AFG2A: variants seen among roughly 807,000 people sequenced by gnomAD.
AFG2A encodes AAA ATPase AFG2A, also known as ATPase family gene 2 protein homolog A.
the AFG2A span, among the ~76,000 whole-genome samples, chr4:123,198,435 T>C: frequency 1.3e-5 from 2 of 152,162 alleles, no homozygotes; most frequent in African/African-American, 2.4e-5. Context: ...CTAAAGTGTT[T>C]TTGTCTCCCC....
the AFG2A span, among the ~76,000 whole-genome samples, chr4:123,025,212 T>C: frequency 1.3e-5 from 2 of 152,308 alleles, no homozygotes; most frequent in South Asian, 4.1e-4. Flanking sequence ...TCTTTGGAAC[T>C]AACATCCAGT....
chr4:123,054,585 G>A, the AFG2A span, among the ~76,000 whole-genome samples: 9 of 151,998 alleles, frequency 5.9e-5, no homozygotes, highest in Admixed American at 3.9e-4. Context: ...GGGTGTGGTG[G>A]CGGGCACCTG....
chr4:123,090,615 G>A, the AFG2A span: 1 of 1,614,130 alleles, frequency 6.2e-7, no homozygotes, highest in Non-Finnish European at 8.5e-7. Flanking sequence ...ATCGTGTTTT[G>A]GCTCAGCTCT....
chr4:123,239,321 A>G, the AFG2A span, among the ~76,000 whole-genome samples: 38 of 152,266 alleles, frequency 2.5e-4, no homozygotes, highest in East Asian at 6.0e-3. Context: ...AAATTCAGGA[A>G]ATACAGAGAA....
chr4:123,249,434 A>G, the AFG2A span, among the ~76,000 whole-genome samples: 1 of 152,124 alleles, frequency 6.6e-6, no homozygotes, highest in African/African-American at 2.4e-5. Context: ...GAAATGCTAT[A>G]CTTGAACTTG....
At chr4:123,124,783 T>C in the AFG2A span, among the ~76,000 whole-genome samples, 3 of 152,236 alleles carry the variant, frequency 2.0e-5, no homozygotes, top group African/African-American at 7.2e-5. Context: ...ACAAAATAGT[T>C]AACTTGGGTC....
the AFG2A span, among the ~76,000 whole-genome samples, chr4:123,266,223 C>G: frequency 5.3e-5 from 8 of 151,932 alleles, no homozygotes; most frequent in African/African-American, 9.7e-5. Flanking sequence ...GTTAAGTACC[C>G]TGGGTTATGG....
At chr4:123,224,759 A>G in the AFG2A span, among the ~76,000 whole-genome samples, 3 of 152,128 alleles carry the variant, frequency 2.0e-5, no homozygotes, top group African/African-American at 7.2e-5. Flanking sequence ...TGGTATTTCT[A>G]GTTCTAGATC....
At chr4:123,198,203 A>C in the AFG2A span, among the ~76,000 whole-genome samples, 4 of 151,468 alleles carry the variant, frequency 2.6e-5, no homozygotes, top group Non-Finnish European at 5.9e-5. Context: ...CGGGAGGTGC[A>C]GGTTGCAGTG....
chr4:123,280,162 T>C, the AFG2A span, among the ~76,000 whole-genome samples: 4 of 152,252 alleles, frequency 2.6e-5, no homozygotes, highest in East Asian at 7.7e-4. Context: ...CTGTATTACA[T>C]TGAGTAATTT....
chr4:123,028,370 G>A, the AFG2A span: 1 of 1,614,144 alleles, frequency 6.2e-7, no homozygotes, highest in South Asian at 1.1e-5. Context: ...GCCAATGAGA[G>A]TGGACTGAAT....
At chr4:123,205,384 G>GC in the AFG2A span, among the ~76,000 whole-genome samples, 3,219 of 151,910 alleles carry the variant, frequency 0.021, 63 homozygotes, top group Non-Finnish European at 0.035. Context: ...AATACAGTCA[G>GC]CCCCCCAAAT....
chr4:122,934,868 T>C, the AFG2A span: 100 of 1,197,808 alleles, frequency 8.3e-5, no homozygotes, highest in East Asian at 1.8e-3. Flanking sequence ...GGTAGAAGAT[T>C]TCAGTTGCTT....
At chr4:122,936,972 C>T in the AFG2A span, among the ~76,000 whole-genome samples, 1 of 152,144 alleles carries the variant, frequency 6.6e-6, no homozygotes, top group East Asian at 1.9e-4. Flanking sequence ...AAGAGCGAGA[C>T]TTTGACTCGA....
chr4:123,140,325 G>T, the AFG2A span, among the ~76,000 whole-genome samples: 3 of 151,986 alleles, frequency 2.0e-5, no homozygotes, highest in Middle Eastern at 6.3e-3. Context: ...TAGCTTAATG[G>T]ATTTGGTGCT....
chr4:122,983,782 C>T, the AFG2A span, among the ~76,000 whole-genome samples: 1 of 152,208 alleles, frequency 6.6e-6, no homozygotes, highest in Admixed American at 6.5e-5. Context: ...ATTTGAGAGC[C>T]CCATAGATGG....
chr4:123,168,556 C>T, the AFG2A span, among the ~76,000 whole-genome samples: 1 of 151,796 alleles, frequency 6.6e-6, no homozygotes, highest in East Asian at 1.9e-4. Context: ...TCCTCATTTC[C>T]CCCTTTTTTC....
chr4:123,117,101 A>G, the AFG2A span, among the ~76,000 whole-genome samples: 1 of 152,186 alleles, frequency 6.6e-6, no homozygotes, highest in Non-Finnish European at 1.5e-5. Flanking sequence ...GGTAGTTTTT[A>G]TAAACTTGTC....
At chr4:123,318,641 G>C in the AFG2A span, 2 of 152,004 alleles carry the variant, frequency 1.3e-5, no homozygotes, top group African/African-American at 2.4e-5. Context: ...GTGTATGAAA[G>C]CTGGGCATGG....
Sources: allele counts gnomAD v4.1 joint callset (sites outside exome capture counted in the v4.1 genomes callset), GRCh38; gene constraint gnomAD v4.1.1; transcripts MANE v1.5; gene names NCBI Gene and HGNC (gene_info 2026-07-23, HGNC 2026-07-21).